The following DMBT1 variants were observed in gnomAD, a reference collection of about 807,000 sequenced individuals.
DMBT1 encodes the protein scavenger receptor cysteine-rich domain-containing protein DMBT1.
A neutral mutation model predicts 252.9 loss-of-function variants in DMBT1; 198 were observed. The ratio of observed to expected loss-of-function variants is 0.78; its 90% CI spans 0.70 to 0.88. The LOEUF (loss-of-function observed/expected upper bound fraction) is 0.88, where lower values mean the gene tolerates loss of function less well. DMBT1 is among the 40% of genes least tolerant of loss of function. DMBT1 has a pLI of 0.00. For missense variants in DMBT1, 2,432 were observed against 2,404.7 expected, an observed-to-expected ratio of 1.01 and a Z score of -0.24; for synonymous variants, 990 against 942.7, an observed-to-expected ratio of 1.05 and a Z score of -0.92.
chr10:122,620,969 C>T (rs781730975), intron 43 of DMBT1, 88 bp from the exon 44 acceptor site: 4 of 1,582,344 alleles, frequency 2.5e-6, no homozygotes, highest in Non-Finnish European at 3.4e-6. Context: ...TGACTTTGGC[C>T]ATTAGGAAGT....
At chr10:122,620,321 C>A (rs764108370) in intron 43 of DMBT1, 30 bp downstream of exon 43, 2 of 1,612,308 alleles carry the variant, frequency 1.2e-6, no homozygotes, top group East Asian at 2.2e-5. Flanking sequence ...CTCCCTAGGG[C>A]TCACTCTCTA....
At position 122,570,908 on chromosome 10, in the gene DMBT1, A is replaced by G; in HGVS notation, c.158A>G (p.Glu53Gly). The G allele has an allele frequency of 6.2e-7, 1 of 1,613,470 alleles. No individual in the cohort carries two copies. Among genetic ancestry groups the G allele is most frequent in the East Asian group, 2.2e-5 (1 of 44,868 alleles). ...CCTGCAGGTTCTCCATTTCCCTCGGAGTCGACCCTGGAGTCAACTGTAGCA... is the reference window on the plus strand; with the variant it reads ...CCTGCAGGTTCTCCATTTCCCTCGGGGTCGACCCTGGAGTCAACTGTAGCA... Reference protein sequence around the residue: ...TVAEGSPFPSESTLESTVAEG... With the variant: ...TVAEGSPFPSGSTLESTVAEG... Residue 53 changes from glutamate (E) to glycine (G), a missense_variant, in exon 4 of 56, where the codon GAG becomes GGG. Coordinates refer to ENST00000338354, the MANE Select transcript of DMBT1 (RefSeq NM_001377530.1).
rs1393901830 is a variant in DMBT1 at position 122,637,293 on chromosome 10, G to C, written c.6923G>C (p.Gly2308Ala). ...NLVIFTIPYS[G>A]CGTFKQADND... Reference sequence around the variant, plus strand: ...GTGATATTCACAATTCCCTACTCAGGCTGCGGCACCTTCAAGCAGGTAAGC... The same window carrying C: ...GTGATATTCACAATTCCCTACTCAGCCTGCGGCACCTTCAAGCAGGTAAGC... Residue 2308 changes from glycine to alanine, a missense_variant, in exon 54 of 56, where the codon GGC (glycine) becomes GCC (alanine). Transcript: ENST00000338354. 2 of 1,611,082 alleles carry C rather than the reference G, an allele frequency of 1.2e-6. No individual in the cohort carries two copies. Among genetic ancestry groups the C allele is most frequent in the East Asian group, 2.2e-5 (1 of 44,824 alleles).
At chr10:122,634,408 T>TC (rs2133683857) in intron 52 of DMBT1, among the ~76,000 whole-genome samples, 2 of 135,920 alleles carry the variant, frequency 1.5e-5, no homozygotes, top group Non-Finnish European at 3.1e-5. Flanking sequence ...TTCTTTTCTT[T>TC]CTTTCTCTCT....
At chr10:122,625,162 G>A in intron 44 of DMBT1, 115 bp from the exon 45 acceptor site, 1 of 975,232 alleles carries the variant, frequency 1.0e-6, no homozygotes, top group Admixed American at 2.0e-5. Flanking sequence ...CCACTCTCCT[G>A]GATGACTCTT....
intron 1 of DMBT1, among the ~76,000 whole-genome samples, chr10:122,561,277 G>C (rs920570978): frequency 6.6e-6 from 1 of 152,290 alleles, no homozygotes; most frequent in Admixed American, 6.5e-5. Context: ...TGGCTTGATG[G>C]CTAATATTTG....
intron 4 of DMBT1, 21 bp from the exon 5 acceptor site, chr10:122,572,293 C>A: frequency 6.2e-7 from 1 of 1,613,160 alleles, no homozygotes; most frequent in Non-Finnish European, 8.5e-7. Context: ...TCAATGAGCT[C>A]TTCCTTTCTC....
At position 122,592,539 on chromosome 10, in the gene DMBT1, A is replaced by G; in HGVS notation, c.2444A>G (p.Asn815Ser). 6.3e-7 allele frequency: 1 copy of G among 1,588,234 alleles called. No homozygotes were observed. The highest frequency in any genetic ancestry group is 1.7e-4 in the Middle Eastern group (1 of 6,016). Reference sequence around the variant, plus strand: ...TCCTACCTGTGGAGCTGCCCCCACAATGGCTGGCTCTCCCACAACTGTGGC... The same window carrying G: ...TCCTACCTGTGGAGCTGCCCCCACAGTGGCTGGCTCTCCCACAACTGTGGC... ...HESYLWSCPH[N>S]GWLSHNCGHH... is the part of the protein sequence containing the mutation. The change falls in exon 20 of 56, where the codon AAT (asparagine) becomes AGT (serine). Residue 815 changes from asparagine (N) to serine (S), a missense_variant. Physicochemically the swap from Asn to Ser is conservative, Grantham distance 46. Around this residue, in one of 3 missense-constraint regions of DMBT1, gnomAD observed 1,264 missense variants for 1,082.2 expected, o/e 1.17. Coordinates refer to ENST00000338354, the MANE Select transcript of DMBT1 (RefSeq NM_001377530.1).
chr10:122,586,162 A>G lies in DMBT1; in HGVS notation c.1562A>G (p.Asp521Gly). The change falls in exon 16 of 56, where the codon GAC (aspartate) becomes GGC (glycine). Residue 521 changes from aspartate (D) to glycine (G), a missense_variant. Physicochemically the swap from Asp to Gly is moderately conservative, Grantham distance 94. Coordinates refer to ENST00000338354, the MANE Select transcript of DMBT1 (RefSeq NM_001377530.1). ...YRGSWGTVCD[D>G]SWDTNDANVV... ...GGCTCCTGGGGCACCGTGTGTGATGACAGCTGGGACACCAATGATGCCAAT... is the reference window on the plus strand; with the variant it reads ...GGCTCCTGGGGCACCGTGTGTGATGGCAGCTGGGACACCAATGATGCCAAT... The G allele has an allele frequency of 6.3e-7, 1 of 1,589,210 alleles. No homozygotes were observed. Among genetic ancestry groups the G allele is most frequent in the Non-Finnish European group, 8.6e-7 (1 of 1,166,104 alleles).
chr10:122,628,607 G>A (rs1424353955), intron 46 of DMBT1, among the ~76,000 whole-genome samples: 2 of 152,188 alleles, frequency 1.3e-5, no homozygotes, highest in African/African-American at 2.4e-5. Flanking sequence ...CTGCACTCCA[G>A]CCTGGGTGAC....
Position 122,592,376 on chromosome 10 carries a change from A to T in DMBT1, c.2281A>T (p.Ser761Cys), listed in dbSNP as rs750621915. 4 of 1,588,566 alleles carry T rather than the reference A, an allele frequency of 2.5e-6. 1 individual carries two copies. The highest frequency in any genetic ancestry group is 2.3e-5 in the East Asian group (1 of 42,724). The stretch of plus-strand genomic sequence containing the variant: ...CTCCTGGGGCACCGTGTGTGATGAC[A>T]GCTGGGATACCAATGATGCCAATGT... Reference protein sequence around the residue: ...RGSWGTVCDDSWDTNDANVVC... With the variant: ...RGSWGTVCDDCWDTNDANVVC... The change falls in exon 20 of 56, where the codon AGC becomes TGC. Residue 761 changes from serine (S) to cysteine (C), a missense_variant. Physicochemically the swap from Ser to Cys is moderately radical, Grantham distance 112 (BLOSUM62 -1). Coordinates refer to ENST00000338354, the MANE Select transcript of DMBT1 (RefSeq NM_001377530.1).
chr10:122,588,561 C>T (rs1419461647), intron 16 of DMBT1, among the ~76,000 whole-genome samples: 2 of 149,026 alleles, frequency 1.3e-5, no homozygotes, highest in Admixed American at 6.6e-5. Flanking sequence ...GCCTTGCCAT[C>T]CTTGGCAATT....
Position 122,566,638 on chromosome 10 carries a change from G to A in DMBT1, c.91+642G>A, listed in dbSNP as rs149517331. ...CTTTTCTTTTCACTAATAATGACAG[G>A]TATCTTGAAGATAACTAACATCTAC... On this transcript the variant is annotated intron_variant, in intron 2 of 55. Transcript: ENST00000338354. Among the ~76,000 whole-genome samples the A allele has an allele frequency of 3.3e-5, 5 of 152,132 alleles. No homozygotes were observed. The South Asian group carries it at 1.0e-3, about 32-fold the overall frequency.
intron 24 of DMBT1, 88 bp from the exon 25 acceptor site, chr10:122,597,886 A>G: frequency 1.3e-6 from 2 of 1,599,080 alleles, no homozygotes; most frequent in South Asian, 1.1e-5. Context: ...GGTAGTTTTC[A>G]TGATGTTTGC....
intron 13 of DMBT1, 122 bp from the exon 14 acceptor site, chr10:122,584,200 C>T: frequency 4.3e-6 from 1 of 234,262 alleles, no homozygotes; most frequent in South Asian, 3.7e-5. Context: ...TGGCAATGCC[C>T]TCCCTCTGTG....
rs1009032765 is a variant in DMBT1, at chr10:122,589,238, A to G, written c.2078A>G (p.His693Arg). The G allele has an allele frequency of 4.4e-6, 7 of 1,588,456 alleles. 1 individual carries two copies. The highest frequency in any genetic ancestry group is 1.7e-5 in the Admixed American group (1 of 59,530). Residue 693 changes from histidine to arginine, a missense_variant, in exon 17 of 56, where the codon CAT becomes CGT. His to Arg is a conservative substitution (Grantham distance 29). This residue lies in a region of DMBT1 where 1,264 missense variants were observed against 1,082.2 expected (regional missense o/e 1.17). Transcript: ENST00000338354. The stretch of plus-strand genomic sequence containing the variant: ...GGCTGGCTCTCCCACAACTGTGGCC[A>G]TCATGAAGATGCTGGTGTCATCTGC... ...NNGWLSHNCGHHEDAGVICSA... is the reference protein window; with the variant it reads ...NNGWLSHNCGRHEDAGVICSA...
intron 47 of DMBT1, 104 bp downstream of exon 47, chr10:122,630,097 T>C (rs1374041675): frequency 6.6e-7 from 1 of 1,512,062 alleles, no homozygotes; most frequent in Non-Finnish European, 9.0e-7. Context: ...TCATGTGCCA[T>C]GGACAAGCTT....
chr10:122,618,459 G>A lies in DMBT1; in HGVS notation c.5215+119G>A, dbSNP rs868852595. The A allele has an allele frequency of 9.1e-6, 14 of 1,537,264 alleles. No individual in the cohort carries two copies. In the Middle Eastern group the frequency reaches 2.3e-3, roughly 252 times the overall value. On this transcript the variant is annotated intron_variant, in intron 41 of 55. Transcript: ENST00000338354. ...TTTCTATGTTTTCTATATTTCTGAAGTCTTGTTAGCTCTCTGCTAAGAATC... is the reference window on the plus strand; with the variant it reads ...TTTCTATGTTTTCTATATTTCTGAAATCTTGTTAGCTCTCTGCTAAGAATC...
chr10:122,634,430 T>G (rs1307120435), intron 52 of DMBT1, among the ~76,000 whole-genome samples: 2,845 of 74,120 alleles, frequency 0.038, 112 homozygotes, highest in African/African-American at 0.069. Context: ...TCTCTCTCTC[T>G]TCTCTCTCTC....
Sources: allele counts gnomAD v4.1 joint callset (sites outside exome capture counted in the v4.1 genomes callset), GRCh38; gene constraint gnomAD v4.1.1; regional missense constraint gnomAD v4.1.1; transcripts MANE v1.5; gene names NCBI Gene and HGNC (gene_info 2026-07-23, HGNC 2026-07-21).